The following CDHR3 variants were observed in gnomAD, a reference collection of about 807,000 sequenced individuals.
The protein encoded by CDHR3 is cadherin-related family member 3.
CDHR3 carries 79 observed loss-of-function variants against 86.6 expected under a neutral mutation model. The observed-to-expected ratio is 0.91, with a 90% confidence interval of 0.76 to 1.10. CDHR3 has a LOEUF of 1.10. Ranked by LOEUF, CDHR3 falls within the 50% of genes least tolerant of loss-of-function variation. CDHR3 has a pLI of 0.00. For missense variants in CDHR3, 1,081 were observed against 1,077.6 expected (o/e 1.00, Z -0.04); for synonymous variants, 421 against 402.4 (o/e 1.05, Z -0.55).
At chr7:106,028,465 TA>T (rs1837715889) in intron 16 of CDHR3, 85 bp from the exon 17 acceptor site, 1 of 1,418,446 alleles carries the variant, frequency 7.0e-7, no homozygotes, top group Non-Finnish European at 9.9e-7. Context: ...GAAGCCTATT[TA>T]GGGGAAATAC....
Position 105,963,374 on chromosome 7 carries a change from C to G in CDHR3, c.46+10C>G, listed in dbSNP as rs1826331637. 1 of 1,613,658 alleles carries G rather than the reference C, an allele frequency of 6.2e-7. No homozygotes were observed. The highest frequency in any genetic ancestry group is 1.1e-5 in the South Asian group (1 of 91,078). ...CTGGGTGCCATGTCAGGTAGGAACT[C>G]AATTTTGCTTTGGAACCTTGCTTGC... On this transcript the variant is annotated intron_variant, in intron 1 of 18. Coordinates refer to ENST00000317716, the MANE Select transcript of CDHR3 (RefSeq NM_152750.5).
intron 4 of CDHR3, among the ~76,000 whole-genome samples, chr7:105,993,508 A>G (rs1216995770): frequency 8.9e-6 from 1 of 112,844 alleles, no homozygotes; most frequent in Admixed American, 8.3e-5. Flanking sequence ...TGTCTCTACA[A>G]AAAAAAATAT....
Position 106,032,901 on chromosome 7 carries a change from A to G in CDHR3, c.*204A>G. The G allele has an allele frequency of 1.8e-6, 1 of 555,496 alleles. No individual in the cohort carries two copies. The highest frequency in any genetic ancestry group is 2.8e-5 in the South Asian group (1 of 36,342). The allele number at this position is 555,496 out of a possible 1,614,324, so 34.4% of individuals were successfully genotyped here. ...GTTGCGTGTTCTGAAATGATACAGG[A>G]ACATTTTCTATCAGATTTCAGAACT... On this transcript the variant is annotated 3_prime_UTR_variant, in exon 19 of 19. Coordinates refer to ENST00000317716, the MANE Select transcript of CDHR3 (RefSeq NM_152750.5).
chr7:106,008,637 TG>T (rs1295430325), intron 8 of CDHR3, among the ~76,000 whole-genome samples: 4 of 152,196 alleles, frequency 2.6e-5, no homozygotes, highest in Non-Finnish European at 5.9e-5. Context: ...TGGGGACAGC[TG>T]CATGGGTAGT....
Position 105,975,029 on chromosome 7 carries a change from T to A in CDHR3, c.232T>A (p.Ser78Thr), listed in dbSNP as rs370097298. The A allele has an allele frequency of 6.6e-5, 106 of 1,613,888 alleles. No homozygotes were observed. In the Middle Eastern group the frequency reaches 6.6e-4, roughly 10 times the overall value. Residue 78 changes from serine (S) to threonine (T), a missense_variant, in exon 2 of 19, where the codon TCA becomes ACA. Physicochemically the swap from Ser to Thr is moderately conservative, Grantham distance 58 (BLOSUM62 1). Coordinates refer to ENST00000317716, the MANE Select transcript of CDHR3 (RefSeq NM_152750.5). ...TGAAGCTTTTAGGGTGAATTGGCTG[T>A]CAGGCACCTACTTTGAGGTAAGTAA... ...LTEAFRVNWL[S>T]GTYFEVVTTG... is the part of the protein sequence containing the mutation.
At chr7:106,000,899 C>CAAA (rs35254288) in intron 6 of CDHR3, among the ~76,000 whole-genome samples, 48 of 90,694 alleles carry the variant, frequency 5.3e-4, no homozygotes, top group South Asian at 2.8e-3. Flanking sequence ...TATCCTCAGG[C>CAAA]AAAAAAAAAA....
At chr7:105,990,977 T>C (rs1261758760) in intron 4 of CDHR3, among the ~76,000 whole-genome samples, 1 of 152,154 alleles carries the variant, frequency 6.6e-6, no homozygotes, top group Non-Finnish European at 1.5e-5. Context: ...AGAGCAAACC[T>C]AGCTGCAAAG....
rs201563171 is a variant in CDHR3, at chr7:105,974,880, C to T, written c.83C>T (p.Thr28Ile). The change falls in exon 2 of 19, where the codon ACA becomes ATA. Residue 28 changes from threonine (T) to isoleucine (I), a missense_variant. Coordinates refer to ENST00000317716, the MANE Select transcript of CDHR3 (RefSeq NM_152750.5). ...EALHLILLPA[T>I]GNVAENSPPG... ...CTACACCTAATCCTCTTACCTGCTA[C>T]AGGCAATGTGGCAGAGAATTCTCCA... 1.5e-4 allele frequency: 241 copies of T among 1,613,752 alleles called. No homozygotes were observed. Among genetic ancestry groups the T allele is most frequent in the Non-Finnish European group, 2.0e-4 (231 of 1,179,712 alleles).
At chr7:105,965,568 C>CCG (rs1554507722) in intron 1 of CDHR3, among the ~76,000 whole-genome samples, 4 of 26,812 alleles carry the variant, frequency 1.5e-4, no homozygotes, top group East Asian at 6.0e-3. Flanking sequence ...TCAAGCCCCA[C>CCG]CCCCCCCCAT....
At chr7:106,015,238 A>G (rs1019636157) in intron 10 of CDHR3, 25 bp downstream of exon 10, 14 of 1,566,820 alleles carry the variant, frequency 8.9e-6, no homozygotes, top group African/African-American at 2.7e-5. Context: ...GTTTTATTTC[A>G]TGATTGTCTT....
chr7:105,974,089 TG>T (rs1246981943), intron 1 of CDHR3, among the ~76,000 whole-genome samples: 1 of 152,254 alleles, frequency 6.6e-6, no homozygotes, highest in Non-Finnish European at 1.5e-5. Flanking sequence ...TTCTCTGCAC[TG>T]GCAAAGTCTT....
At chr7:106,004,796 G>T in intron 8 of CDHR3, 109 bp downstream of exon 8, 1 of 1,049,956 alleles carries the variant, frequency 9.5e-7, no homozygotes. Context: ...TGGAGAAACA[G>T]CTCAGTAGAA....
intron 1 of CDHR3, among the ~76,000 whole-genome samples, chr7:105,966,305 G>A (rs1309472319): frequency 6.6e-6 from 1 of 152,122 alleles, no homozygotes; most frequent in East Asian, 1.9e-4. Flanking sequence ...AAATGCCAGG[G>A]TATTTAATGA....
intron 4 of CDHR3, among the ~76,000 whole-genome samples, chr7:105,991,585 T>A (rs1831367417): frequency 6.6e-6 from 1 of 152,240 alleles, no homozygotes; most frequent in Non-Finnish European, 1.5e-5. Flanking sequence ...AAGTCTAGCA[T>A]TATTACATTC....
At chr7:105,984,399 A>C (rs1056857548) in intron 4 of CDHR3, 110 bp downstream of exon 4, 15 of 654,288 alleles carry the variant, frequency 2.3e-5, no homozygotes, top group Non-Finnish European at 3.9e-5. Flanking sequence ...AGTCAGGGGA[A>C]TGTGCGTCCA....
In CDHR3 at chr7:105,992,023, G is replaced by A. The variant is rs1276588455; in HGVS notation, c.514-2728G>A. On this transcript the variant is annotated intron_variant, in intron 4 of 18. Coordinates refer to ENST00000317716, the MANE Select transcript of CDHR3 (RefSeq NM_152750.5). Reference sequence around the variant, plus strand: ...AACTTAATTTATTACCCTAATTTGTGACTCTTGTATTCCAGATGAGTCTAA... The same window carrying A: ...AACTTAATTTATTACCCTAATTTGTAACTCTTGTATTCCAGATGAGTCTAA... 2.0e-5 allele frequency among the ~76,000 whole-genome samples: 3 copies of A among 152,162 alleles called. No homozygotes were observed. The East Asian group carries it at 5.8e-4, about 29-fold the overall frequency.
intron 14 of CDHR3, among the ~76,000 whole-genome samples, chr7:106,023,336 G>C (rs1225054064): frequency 6.6e-6 from 1 of 152,176 alleles, no homozygotes; most frequent in Non-Finnish European, 1.5e-5. Context: ...GATCTAGAGG[G>C]GGAGATAGAT....
intron 6 of CDHR3, among the ~76,000 whole-genome samples, chr7:105,998,432 G>A (rs556095469): frequency 2.6e-5 from 4 of 152,168 alleles, no homozygotes; most frequent in African/African-American, 7.2e-5. Flanking sequence ...ATGTCAGAAA[G>A]CTTTATAGAT....
At chr7:105,986,133 C>A (rs531778193) in intron 4 of CDHR3, among the ~76,000 whole-genome samples, 1 of 152,056 alleles carries the variant, frequency 6.6e-6, no homozygotes, top group Non-Finnish European at 1.5e-5. Context: ...CCCAATCTGT[C>A]CCTTTTTTTA....
Sources: allele counts gnomAD v4.1 joint callset (sites outside exome capture counted in the v4.1 genomes callset), GRCh38; gene constraint gnomAD v4.1.1; transcripts MANE v1.5; gene names NCBI Gene and HGNC (gene_info 2026-07-23, HGNC 2026-07-21).